SEMA3A: variants seen among roughly 807,000 people sequenced by gnomAD.
The protein encoded by SEMA3A is semaphorin 3A, also known as semaphorin-3A.
SEMA3A carries 29 observed loss-of-function variants against 97.9 expected under a neutral mutation model. The ratio of observed to expected loss-of-function variants is 0.30; its 90% confidence interval spans 0.22 to 0.40. The LOEUF is 0.40. SEMA3A is among the 10% of genes least tolerant of loss of function. SEMA3A has a pLI of 1.00. For missense variants in SEMA3A, 763 were observed against 951.3 expected (o/e 0.80, Z 2.60); for synonymous variants, 321 against 323.7 (o/e 0.99, Z 0.09).
chr7:84,385,545 C>A (rs1803376553), intron 1 of SEMA3A, among the ~76,000 whole-genome samples: 1 of 152,160 alleles, frequency 6.6e-6, no homozygotes, highest in Non-Finnish European at 1.5e-5. Context: ...TCATTATGAA[C>A]CTGGAACATA....
At chr7:84,419,413 T>G (rs1804525877) in intron 1 of SEMA3A, among the ~76,000 whole-genome samples, 1 of 149,316 alleles carries the variant, frequency 6.7e-6, no homozygotes, top group Non-Finnish European at 1.5e-5. Flanking sequence ...GAAGGCTAAC[T>G]GGCTTGCCCA....
At chr7:84,217,521 G>T (rs982288774) in intron 3 of SEMA3A, among the ~76,000 whole-genome samples, 1 of 152,112 alleles carries the variant, frequency 6.6e-6, no homozygotes, top group African/African-American at 2.4e-5. Flanking sequence ...TCTACCATGT[G>T]CTGTGGTGTT....
intron 1 of SEMA3A, among the ~76,000 whole-genome samples, chr7:84,475,494 C>T (rs1404430782): frequency 1.3e-5 from 2 of 152,092 alleles, no homozygotes; most frequent in African/African-American, 2.4e-5. Context: ...TTAGAGCAGA[C>T]TTTATTGGGG....
intron 6 of SEMA3A, among the ~76,000 whole-genome samples, chr7:84,038,065 T>C (rs1448366325): frequency 6.6e-6 from 1 of 152,174 alleles, no homozygotes; most frequent in Non-Finnish European, 1.5e-5. Flanking sequence ...TTAATGCTTT[T>C]TTGTCATGTG....
intron 5 of SEMA3A, among the ~76,000 whole-genome samples, chr7:84,053,746 C>T (rs969112347): frequency 6.7e-6 from 1 of 148,968 alleles, no homozygotes; most frequent in Non-Finnish European, 1.5e-5. Context: ...TGAATTTGAT[C>T]CTGTCATTAT....
chr7:84,205,055 T>C (rs544011959), intron 3 of SEMA3A, among the ~76,000 whole-genome samples: 2 of 152,332 alleles, frequency 1.3e-5, no homozygotes, highest in African/African-American at 4.8e-5. Flanking sequence ...TTTAATAACC[T>C]AAGTCACAAA....
Position 84,153,291 on chromosome 7 carries a change from G to A in SEMA3A, c.113-18340C>T, listed in dbSNP as rs75249612. Reference sequence around the variant, plus strand: ...GAAATTAAAAGAGGGTCTATCAGGAGAGGCCTGTCATCCACATACATACAG... The same window carrying A: ...GAAATTAAAAGAGGGTCTATCAGGAAAGGCCTGTCATCCACATACATACAG... On this transcript the variant is annotated intron_variant, in intron 1 of 16. Coordinates refer to ENST00000265362, the MANE Select transcript of SEMA3A (RefSeq NM_006080.3). 2.6e-5 allele frequency among the ~76,000 whole-genome samples: 4 copies of A among 152,286 alleles called. No homozygotes were observed. In the East Asian group the frequency reaches 7.7e-4, roughly 29 times the overall value.
At chr7:84,133,112 C>T (rs6977099) in intron 2 of SEMA3A, among the ~76,000 whole-genome samples, 3 of 152,098 alleles carry the variant, frequency 2.0e-5, no homozygotes, top group African/African-American at 7.2e-5. Context: ...CAGTATTTTT[C>T]GATAATAGAT....
intron 1 of SEMA3A, among the ~76,000 whole-genome samples, chr7:84,397,060 T>A (rs1347416255): frequency 1.3e-5 from 2 of 151,974 alleles, no homozygotes; most frequent in African/African-American, 4.8e-5. Context: ...AGCACAAAAA[T>A]AAAATCTTGA....
At chr7:84,294,862 T>C (rs1437934491) in intron 3 of SEMA3A, among the ~76,000 whole-genome samples, 1 of 151,980 alleles carries the variant, frequency 6.6e-6, no homozygotes, top group African/African-American at 2.4e-5. Context: ...TTGTAATTGG[T>C]TGCTCAATCT....
At chr7:84,200,796 TCC>T (rs1798335850) in intron 3 of SEMA3A, among the ~76,000 whole-genome samples, 6 of 108,444 alleles carry the variant, frequency 5.5e-5, no homozygotes, top group Non-Finnish European at 7.9e-5. Context: ...GGGTTTTTTT[TCC>T]TTTTTTTTTT....
At chr7:83,967,485 T>C (rs1036957644) in intron 15 of SEMA3A, among the ~76,000 whole-genome samples, 43 of 152,208 alleles carry the variant, frequency 2.8e-4, no homozygotes, top group Non-Finnish European at 3.8e-4. Flanking sequence ...CCGGGCATGG[T>C]GGCTCACGCC....
Position 84,278,706 on chromosome 7 carries a change from G to C in SEMA3A, c.-83+28501C>G, listed in dbSNP as rs552333992. ...CAGGATAAAATGAGAATGTTGAGGA[G>C]GCGCCTCACTTTTAAACAATCAGAT... On this transcript the variant is annotated intron_variant, in intron 3 of 3. Transcript: ENST00000424555. Among the ~76,000 whole-genome samples, 8 of 152,128 alleles carry C rather than the reference G, an allele frequency of 5.3e-5. No individual in the cohort carries two copies. The East Asian group carries it at 1.2e-3, about 22-fold the overall frequency.
Position 84,194,519 on chromosome 7 carries a change from T to C in SEMA3A, c.68A>G (p.Gln23Arg). 2.5e-6 allele frequency: 4 copies of C among 1,613,252 alleles called. No individual in the cohort carries two copies. Among genetic ancestry groups the C allele is most frequent in the Non-Finnish European group, 3.4e-6 (4 of 1,179,262 alleles). ...CCTTGGCACATTGTTCTTCCCATTC[T>C]GATAGTTTGCTCTTGCTGTAAGTAA... ...GVLLTARANY[Q>R]NGKNNVPRLK... Residue 23 changes from glutamine to arginine, a missense_variant, in exon 1 of 17, where the codon CAG becomes CGG. This residue lies in a region of SEMA3A where 85 missense variants were observed against 70.0 expected (regional missense o/e 1.21). Coordinates refer to ENST00000265362, the MANE Select transcript of SEMA3A (RefSeq NM_006080.3).
At chr7:84,113,287 T>C (rs770037967) in intron 3 of SEMA3A, among the ~76,000 whole-genome samples, 2 of 152,188 alleles carry the variant, frequency 1.3e-5, no homozygotes, top group Non-Finnish European at 2.9e-5. Context: ...AAGGATTTGT[T>C]CTTAACAGAA....
rs202005657 is a variant in SEMA3A at position 84,316,130 on chromosome 7, CAAAA to C, written c.-168-8842_-168-8839del. Among the ~76,000 whole-genome samples, 91 of 30,190 alleles carry C rather than the reference CAAAA, an allele frequency of 3.0e-3. 1 individual carries two copies. Among genetic ancestry groups the C allele is most frequent in the African/African-American group, 7.3e-3 (69 of 9,508 alleles). The allele number at this position is 30,190 out of a possible 152,430, so 19.8% of individuals were successfully genotyped here. On this transcript the variant is annotated intron_variant, in intron 2 of 3. Coordinates refer to the SEMA3A transcript ENST00000424555. ...TGCACAATATAGGAAGACTCTATCTCAAAAAAAAAAAAAAAAAAAAAAAAAAAAA... is the reference window on the plus strand; with the variant it reads ...TGCACAATATAGGAAGACTCTATCTCAAAAAAAAAAAAAAAAAAAAAAAAA...
intron 3 of SEMA3A, among the ~76,000 whole-genome samples, chr7:84,289,263 A>G (rs1800678191): frequency 6.6e-6 from 1 of 152,156 alleles, no homozygotes; most frequent in African/African-American, 2.4e-5. Context: ...GTACAAAACT[A>G]CAGTTAGATA....
At chr7:84,024,842 C>T (rs1271315996) in intron 6 of SEMA3A, among the ~76,000 whole-genome samples, 2 of 152,078 alleles carry the variant, frequency 1.3e-5, no homozygotes, top group Non-Finnish European at 2.9e-5. Flanking sequence ...AATCCCAGAA[C>T]TTTGGGAGGC....
At chr7:84,160,392 A>T (rs1489858892) in intron 1 of SEMA3A, among the ~76,000 whole-genome samples, 1 of 151,982 alleles carries the variant, frequency 6.6e-6, no homozygotes, top group African/African-American at 2.4e-5. Flanking sequence ...TCTAAAAAAA[A>T]TACAAAAATT....
Sources: gnomAD v4.1 joint callset for allele counts (sites outside exome capture counted in the v4.1 genomes callset) on GRCh38, gnomAD v4.1.1 for gene constraint, gnomAD v4.1.1 regional missense constraint, MANE v1.5 for transcripts, NCBI Gene and HGNC (gene_info 2026-07-23, HGNC 2026-07-21) for gene names.